TCF3: variants seen among roughly 807,000 people sequenced by gnomAD.
TCF3 encodes the protein transcription factor E2-alpha.
Under a neutral mutation model 72.3 loss-of-function variants are expected in TCF3, and 54 were observed. The ratio of observed to expected loss-of-function variants is 0.75; its 90% CI spans 0.60 to 0.94. TCF3 has a LOEUF of 0.94. Ranked by LOEUF, TCF3 falls within the 40% of genes least tolerant of loss-of-function variation. TCF3 has a pLI of 0.00. For missense variants in TCF3, 1,078 were observed against 934.4 expected (o/e 1.15, Z -2.00); for synonymous variants, 525 against 412.6 (o/e 1.27, Z -3.30).
At chr19:1,644,335 G>A (rs1036764955) in intron 3 of TCF3, among the ~76,000 whole-genome samples, 1 of 152,178 alleles carries the variant, frequency 6.6e-6, no homozygotes, top group Non-Finnish European at 1.5e-5. Flanking sequence ...AGGCCTTGGA[G>A]CTCTGCATCC....
At chr19:1,651,175 G>T in intron 1 of TCF3, 1 of 230,982 alleles carries the variant, frequency 4.3e-6, no homozygotes, top group Non-Finnish European at 8.6e-6. Context: ...CCAGAAAAAG[G>T]TACAGAGAAA....
At chr19:1,644,716 C>T (rs1046854175) in intron 3 of TCF3, among the ~76,000 whole-genome samples, 9 of 152,174 alleles carry the variant, frequency 5.9e-5, no homozygotes, top group African/African-American at 1.9e-4. Flanking sequence ...CACACCACAG[C>T]TCTGGTTACC....
chr19:1,626,259 T>C (rs532715631), intron 6 of TCF3, among the ~76,000 whole-genome samples: 1 of 152,276 alleles, frequency 6.6e-6, no homozygotes, highest in Admixed American at 6.5e-5. Context: ...AAGACCAGCC[T>C]GACCAACATG....
chr19:1,643,122 TG>T (rs1236946349), intron 3 of TCF3, among the ~76,000 whole-genome samples: 3 of 152,034 alleles, frequency 2.0e-5, no homozygotes, highest in Non-Finnish European at 4.4e-5. Flanking sequence ...AGGCGGTGGG[TG>T]GGAGAAGGCG....
intron 3 of TCF3, among the ~76,000 whole-genome samples, chr19:1,638,565 T>A (rs1292823089): frequency 6.6e-6 from 1 of 152,210 alleles, no homozygotes; most frequent in East Asian, 1.9e-4. Flanking sequence ...AGCAATTTAT[T>A]GGTAGCAAAT....
intron 16 of TCF3, among the ~76,000 whole-genome samples, chr19:1,617,932 C>T (rs996789727): frequency 4.6e-5 from 7 of 152,180 alleles, no homozygotes; most frequent in South Asian, 2.1e-4. Flanking sequence ...AGAGCCGCTG[C>T]GGTGAGATGC....
In TCF3 at chr19:1,615,610, G is replaced by A; in HGVS notation, c.1586+76C>T. 1 of 1,609,314 alleles carries A rather than the reference G, an allele frequency of 6.2e-7. No individual in the cohort carries two copies. Among genetic ancestry groups the A allele is most frequent in the East Asian group, 2.2e-5 (1 of 44,854 alleles). On this transcript the variant is annotated intron_variant, in intron 17 of 18. Coordinates refer to ENST00000262965, the MANE Select transcript of TCF3 (RefSeq NM_003200.5). This position sits in a 1 kb window ranked among gnomAD's most constrained non-coding sequence, Gnocchi z 7.3. ...CCGCCGACGGCCTCCCAGTGTGGGT[G>A]CGGTGTGCGTGTGGCCTGTGCACAT... is the stretch of plus-strand genomic sequence containing the variant.
chr19:1,642,129 TACACAC>T (rs10531649), intron 3 of TCF3, among the ~76,000 whole-genome samples: 8,518 of 147,224 alleles, frequency 0.058, 246 homozygotes, highest in South Asian at 0.079. Flanking sequence ...TGCACAGAAC[TACACAC>T]ACACACACAC....
intron 16 of TCF3, among the ~76,000 whole-genome samples, chr19:1,617,314 G>A (rs1340854102): frequency 7.9e-5 from 12 of 152,152 alleles, no homozygotes; most frequent in Non-Finnish European, 1.5e-4. Flanking sequence ...ACTCACAATG[G>A]GACCCCAGCC....
At chr19:1,626,601 G>A (rs895456162) in intron 6 of TCF3, among the ~76,000 whole-genome samples, 51 of 152,266 alleles carry the variant, frequency 3.3e-4, no homozygotes, top group African/African-American at 1.1e-3. Context: ...ACCCGGGAGC[G>A]CCAGAGAGCA....
At chr19:1,636,472 A>T (rs1020276831) in intron 3 of TCF3, among the ~76,000 whole-genome samples, 2 of 151,916 alleles carry the variant, frequency 1.3e-5, no homozygotes, top group Non-Finnish European at 2.9e-5. Flanking sequence ...ATTTAAAAAA[A>T]TTTTTTTGTA....
rs369296051 is a variant in TCF3 at position 1,613,204 on chromosome 19, G to A, written c.1823-1355C>T. On this transcript the variant is annotated intron_variant, in intron 18 of 18. Transcript: ENST00000262965. ...AAATGTGCTTCTCTGTGCACGCGGC[G>A]AATGTGCTCCCTGGAATGCAGCAGA... Among the ~76,000 whole-genome samples, 7 of 152,270 alleles carry A rather than the reference G, an allele frequency of 4.6e-5. No homozygotes were observed. In the East Asian group the frequency reaches 9.6e-4, roughly 21 times the overall value.
intron 1 of TCF3, among the ~76,000 whole-genome samples, chr19:1,651,799 GC>G (rs889156802): frequency 2.2e-4 from 32 of 148,188 alleles, no homozygotes; most frequent in African/African-American, 5.0e-4. Flanking sequence ...TTACCCGCGC[GC>G]CCCCCCCCGG....
chr19:1,618,544 C>G (rs982181646), intron 16 of TCF3, among the ~76,000 whole-genome samples: 1 of 150,336 alleles, frequency 6.7e-6, no homozygotes, highest in Non-Finnish European at 1.5e-5. Context: ...TCACTCTGCT[C>G]CAACCCCACG....
Position 1,615,689 on chromosome 19 carries a change from G to C in TCF3, c.1583C>G (p.Thr528Ser). The C allele has an allele frequency of 6.2e-7, 1 of 1,613,392 alleles. No individual in the cohort carries two copies. Among genetic ancestry groups the C allele is most frequent in the Non-Finnish European group, 8.5e-7 (1 of 1,179,618 alleles). ...KKELKAPRAR[T>S]SPDEDEDDLL... ...GTGCCGAGGGGTGGGTTGGCACCTGGTCCGGGCCCGGGGGGCCTTCAGCTC... is the reference window on the plus strand; with the variant it reads ...GTGCCGAGGGGTGGGTTGGCACCTGCTCCGGGCCCGGGGGGCCTTCAGCTC... The change falls in exon 17 of 19, where the codon ACC becomes AGC. Residue 528 changes from threonine to serine, a missense_variant. By Grantham distance (58) the Thr-to-Ser change is moderately conservative. Coordinates refer to ENST00000262965, the MANE Select transcript of TCF3 (RefSeq NM_003200.5). This position sits in a 1 kb window ranked among gnomAD's most constrained non-coding sequence, Gnocchi z 7.3.
At position 1,622,353 on chromosome 19, in the gene TCF3, C is replaced by G; in HGVS notation, c.612G>C (p.Lys204Asn). 6.9e-7 allele frequency: 1 copy of G among 1,446,880 alleles called. No individual in the cohort carries two copies. Among genetic ancestry groups the G allele is most frequent in the Non-Finnish European group, 9.2e-7 (1 of 1,085,748 alleles). The allele number at this position is 1,446,880 out of a possible 1,614,324, so 89.6% of individuals were successfully genotyped here. ...GGGCGGGATAGGTGCTGCTGGGGGT[C>G]TTGGCGGACGGGTAGGCGGTGGCAT... is the stretch of plus-strand genomic sequence containing the variant. ...GRDATAYPSA[K>N]TPSSTYPAPF... Residue 204 changes from lysine to asparagine, a missense_variant, in exon 9 of 19, where the codon AAG becomes AAC. By Grantham distance (94) the Lys-to-Asn change is moderately conservative (BLOSUM62 0). Transcript: ENST00000262965.
At chr19:1,633,406 G>T (rs910069635) in intron 3 of TCF3, among the ~76,000 whole-genome samples, 1 of 152,118 alleles carries the variant, frequency 6.6e-6, no homozygotes, top group Non-Finnish European at 1.5e-5. Context: ...ACCCAGCCCA[G>T]TGCTGATGTC....
chr19:1,642,276 GCACA>G (rs940116946), intron 3 of TCF3, among the ~76,000 whole-genome samples: 7 of 128,554 alleles, frequency 5.4e-5, no homozygotes, highest in African/African-American at 1.4e-4. Flanking sequence ...GCACGCACAC[GCACA>G]GACGCGCACA....
chr19:1,615,246 G>A lies in TCF3; in HGVS notation c.1822+39C>T, dbSNP rs116824911. The stretch of plus-strand genomic sequence containing the variant: ...CGAGGGCAGGAACACGAGGGAGGGT[G>A]GCGCTGCAGGGACGCTGGTGGCCCG... On this transcript the variant is annotated intron_variant, in intron 18 of 18. Coordinates refer to ENST00000262965, the MANE Select transcript of TCF3 (RefSeq NM_003200.5). The surrounding 1 kb of genome is among the most constrained non-coding windows in gnomAD (Gnocchi z 7.3). 35 of 1,537,038 alleles carry A rather than the reference G, an allele frequency of 2.3e-5. No homozygotes were observed. In the African/African-American group the frequency reaches 4.5e-4, roughly 20 times the overall value.
Sources: allele counts gnomAD v4.1 joint callset (sites outside exome capture counted in the v4.1 genomes callset), GRCh38; gene constraint gnomAD v4.1.1; non-coding constraint Gnocchi (gnomAD v3.1); transcripts MANE v1.5; gene names NCBI Gene and HGNC (gene_info 2026-07-23, HGNC 2026-07-21).